EOGT: variants seen among roughly 807,000 people sequenced by gnomAD.
The protein encoded by EOGT is EGF domain specific O-linked N-acetylglucosamine transferase, also known as EGF domain-specific O-linked N-acetylglucosamine transferase.
EOGT carries 55 observed loss-of-function variants against 70.5 expected under a neutral mutation model. The ratio of observed to expected loss-of-function variants is 0.78; its 90% CI spans 0.63 to 0.98. The LOEUF (loss-of-function observed/expected upper bound fraction) is 0.98. EOGT is among the 50% of genes least tolerant of loss of function. The pLI is 0.00. For synonymous variants in EOGT, 246 were observed against 217.1 expected, an observed-to-expected ratio of 1.13 and a Z score of -1.17; for missense variants, 703 against 641.9, an observed-to-expected ratio of 1.10 and a Z score of -1.03.
intron 8 of EOGT, among the ~76,000 whole-genome samples, chr3:69,002,179 G>A (rs1324177595): frequency 1.3e-5 from 2 of 152,136 alleles, no homozygotes; most frequent in African/African-American, 4.8e-5. Flanking sequence ...ACAACAACCT[G>A]AGTGAGTTTA....
chr3:68,982,915 T>A, intron 14 of EOGT, 43 bp from the exon 15 acceptor site: 1 of 1,525,494 alleles, frequency 6.6e-7, no homozygotes, highest in African/African-American at 1.4e-5. Flanking sequence ...TTTCCTTCTT[T>A]CACTTCTGTT....
chr3:68,996,309 CT>C (rs965508650), intron 10 of EOGT, among the ~76,000 whole-genome samples: 1 of 152,186 alleles, frequency 6.6e-6, no homozygotes, highest in Admixed American at 6.5e-5. Flanking sequence ...CTACAAGCCT[CT>C]TATCAGTGAA....
At chr3:69,012,930 T>C (rs1262336127) in intron 1 of EOGT, 131 bp from the exon 2 acceptor site, 1 of 151,960 alleles carries the variant, frequency 6.6e-6, no homozygotes, top group Non-Finnish European at 1.5e-5. Flanking sequence ...AAGACGGCAG[T>C]GGGCAAATGG....
At chr3:68,977,820 T>C in intron 17 of EOGT, 56 bp from the exon 18 acceptor site, 3 of 1,530,570 alleles carry the variant, frequency 2.0e-6, no homozygotes, top group Non-Finnish European at 2.6e-6. Flanking sequence ...TGGTTTTCTC[T>C]ACAGCAGGAA....
chr3:68,988,440 A>G (rs2090881458), intron 12 of EOGT, 59 bp from the exon 13 acceptor site: 1 of 1,486,336 alleles, frequency 6.7e-7, no homozygotes, highest in African/African-American at 1.4e-5. Flanking sequence ...AATTTAAGAT[A>G]CTGTCAACTT....
At chr3:69,011,799 G>A (rs1323098301) in intron 3 of EOGT, 137 bp downstream of exon 3, 1 of 151,988 alleles carries the variant, frequency 6.6e-6, no homozygotes, top group African/African-American at 2.4e-5. Context: ...GGTGTTATCT[G>A]CTGTAAATCT....
chr3:69,009,949 AC>A lies in EOGT; in HGVS notation c.-14-90del, dbSNP rs61436372. On this transcript the variant is annotated intron_variant, in intron 3 of 17. Coordinates refer to ENST00000383701, the MANE Select transcript of EOGT (RefSeq NM_001278689.2). Reference sequence around the variant, plus strand: ...CAACAACAACAAAAAAAAAAAAAAAACAAAGGGTCAAGGGCTAAGTATAATT... The same window carrying A: ...CAACAACAACAAAAAAAAAAAAAAAAAAAGGGTCAAGGGCTAAGTATAATT... The A allele has an allele frequency of 4.7e-3, 1,372 of 291,484 alleles. 175 individuals carry two copies. Among genetic ancestry groups the A allele is most frequent in the African/African-American group, 8.4e-3 (193 of 22,932 alleles). 18.1% of individuals were successfully genotyped at this position (291,484 alleles called of 1,614,324 possible). A position where few individuals can be genotyped will look rare whatever the true frequency, so the allele number is the denominator to read the frequency against.
At position 68,979,664 on chromosome 3, in the gene EOGT, T is replaced by G; in HGVS notation, c.1334+4A>C. Reference sequence around the variant, plus strand: ...TCAGTGTAAAACTGCCTCCCAACACTTACAGTTCAAATACAGCAGCCCAGT... The same window carrying G: ...TCAGTGTAAAACTGCCTCCCAACACGTACAGTTCAAATACAGCAGCCCAGT... On this transcript the variant is annotated splice_donor_region_variant and intron_variant, in intron 16 of 17. Coordinates refer to ENST00000383701, the MANE Select transcript of EOGT (RefSeq NM_001278689.2). 1.2e-6 allele frequency: 2 copies of G among 1,613,316 alleles called. No individual in the cohort carries two copies. The highest frequency in any genetic ancestry group is 1.7e-6 in the Non-Finnish European group (2 of 1,179,656).
In EOGT at chr3:68,987,457, A is replaced by C. The variant is rs781429232; in HGVS notation, c.1140T>G (p.Leu380=). Residue 380 remains leucine (L), a synonymous_variant, in exon 14 of 18, where the codon CTT becomes CTG. Transcript: ENST00000383701. ...LARSTEYRKI[L]NQNELVNALK... ...ACCAAAAACTAACCTCATTTTGGTT[A>C]AGGATTTTCCGGTATTCTGTGCTCC... is the stretch of plus-strand genomic sequence containing the variant. 2 of 1,613,280 alleles carry C rather than the reference A, an allele frequency of 1.2e-6. No individual in the cohort carries two copies. Among genetic ancestry groups the C allele is most frequent in the Non-Finnish European group, 1.7e-6 (2 of 1,179,490 alleles).
rs1288628034 is a variant in EOGT, at chr3:69,001,674, G to C, written c.661C>G (p.Pro221Ala). 1 of 1,611,736 alleles carries C rather than the reference G, an allele frequency of 6.2e-7. No individual in the cohort carries two copies. The highest frequency in any genetic ancestry group is 2.2e-5 in the East Asian group (1 of 44,718). Residue 221 changes from proline to alanine, a missense_variant, in exon 9 of 18, where the codon CCT becomes GCT. Physicochemically the swap from Pro to Ala is conservative, Grantham distance 27. Transcript: ENST00000383701. ...LQSYTQLNFR[P>A]IEDAKCDIVI... ...ATGTCACATTTAGCATCTTCTATAG[G>C]TCTGAAGTTGAGCTGAGTATAGCTT... is the stretch of plus-strand genomic sequence containing the variant.
chr3:69,006,557 T>C (rs2091443999), intron 6 of EOGT, among the ~76,000 whole-genome samples: 1 of 152,208 alleles, frequency 6.6e-6, no homozygotes, highest in African/African-American at 2.4e-5. Flanking sequence ...TGCTGAGCCC[T>C]TGGCCGGGAA....
At chr3:68,992,207 C>T (rs546826391) in intron 10 of EOGT, among the ~76,000 whole-genome samples, 1 of 152,274 alleles carries the variant, frequency 6.6e-6, no homozygotes, top group South Asian at 2.1e-4. Flanking sequence ...CCCAAAAGTC[C>T]ACAGTCCAAA....
chr3:68,992,983 T>C (rs767198811), intron 10 of EOGT, among the ~76,000 whole-genome samples: 5 of 152,318 alleles, frequency 3.3e-5, no homozygotes, highest in South Asian at 4.1e-4. Context: ...CTAGGCTGCA[T>C]ACAGCATGGG....
Position 68,982,088 on chromosome 3 carries a change from TA to T in EOGT, c.1214+722del, listed in dbSNP as rs924003347. On this transcript the variant is annotated intron_variant, in intron 15 of 17. Transcript: ENST00000383701. ...CACTCGGCTAATTTTTTTTATTTTT[TA>T]GTAGAGATGGGGTTGCACCATGTTG... 2.6e-5 allele frequency among the ~76,000 whole-genome samples: 4 copies of T among 152,220 alleles called. No individual in the cohort carries two copies. The South Asian group carries it at 8.3e-4, about 32-fold the overall frequency.
intron 11 of EOGT, 149 bp downstream of exon 11, chr3:68,988,776 A>G: frequency 1.6e-6 from 1 of 629,110 alleles, no homozygotes; most frequent in Non-Finnish European, 2.7e-6. Context: ...CATGATTAAC[A>G]ACACTGAGGA....
chr3:68,983,916 T>C (rs1270931912), intron 14 of EOGT, among the ~76,000 whole-genome samples: 3 of 152,096 alleles, frequency 2.0e-5, no homozygotes, highest in South Asian at 2.1e-4. Context: ...TGAGCCGAGA[T>C]CGTGCCACTG....
intron 15 of EOGT, among the ~76,000 whole-genome samples, chr3:68,981,317 C>G (rs1429541171): frequency 6.6e-6 from 1 of 152,180 alleles, no homozygotes; most frequent in Non-Finnish European, 1.5e-5. Flanking sequence ...GCTCATGGGT[C>G]CCCAATAGAG....
At chr3:68,997,198 G>A (rs373987547) in intron 10 of EOGT, among the ~76,000 whole-genome samples, 44 of 152,326 alleles carry the variant, frequency 2.9e-4, no homozygotes, top group African/African-American at 1.0e-3. Context: ...TTATGTGCAT[G>A]CCTAAGACCT....
intron 14 of EOGT, among the ~76,000 whole-genome samples, chr3:68,987,138 C>T (rs1249326478): frequency 1.3e-5 from 2 of 152,186 alleles, no homozygotes; most frequent in African/African-American, 4.8e-5. Context: ...AAAAGAAAGT[C>T]TTACATTTTT....
Sources: gnomAD v4.1 joint callset for allele counts (sites outside exome capture counted in the v4.1 genomes callset) on GRCh38, gnomAD v4.1.1 for gene constraint, MANE v1.5 for transcripts, NCBI Gene and HGNC (gene_info 2026-07-23, HGNC 2026-07-21) for gene names.